SOX5: variants seen among roughly 807,000 people sequenced by gnomAD.
SOX5 encodes SRY-box transcription factor 5, also known as transcription factor SOX-5.
SOX5 carries 9 observed loss-of-function variants against 92.0 expected under a neutral mutation model. The observed-to-expected ratio is 0.10, with a 90% CI of 0.06 to 0.17. The LOEUF (loss-of-function observed/expected upper bound fraction) is 0.17. Among genes scored for constraint, SOX5 ranks in the 10% least tolerant of loss-of-function variants. The pLI is 1.00. For missense variants in SOX5, 642 were observed against 944.5 expected, an observed-to-expected ratio of 0.68 and a Z score of 4.20; for synonymous variants, 344 against 336.3, an observed-to-expected ratio of 1.02 and a Z score of -0.25.
intron 2 of SOX5, among the ~76,000 whole-genome samples, chr12:24,298,968 T>C (rs989626067): frequency 2.6e-5 from 4 of 152,042 alleles, no homozygotes; most frequent in Admixed American, 6.6e-5. Context: ...GGAAAGGGTA[T>C]TGAGCTGTTA....
intron 4 of SOX5, among the ~76,000 whole-genome samples, chr12:23,982,740 TTAA>T (rs1949688716): frequency 6.6e-6 from 1 of 152,032 alleles, no homozygotes; most frequent in African/African-American, 2.4e-5. Context: ...GAAAATAATT[TTAA>T]TAATTTATTT....
At chr12:24,237,587 C>CTT (rs138580187) in intron 3 of SOX5, among the ~76,000 whole-genome samples, 2,858 of 142,974 alleles carry the variant, frequency 0.02, 35 homozygotes, top group Middle Eastern at 0.055. Context: ...AGTCGTAAGA[C>CTT]TTTTTTTTTT....
At chr12:23,700,533 A>C (rs969152784) in intron 6 of SOX5, among the ~76,000 whole-genome samples, 30 of 152,100 alleles carry the variant, frequency 2.0e-4, no homozygotes, top group Non-Finnish European at 3.8e-4. Flanking sequence ...CCACAAGTAA[A>C]GGCCTCACAA....
rs530815382 is a variant in SOX5, at chr12:23,926,392, C to T, written c.38+23172G>A. On this transcript the variant is annotated intron_variant, in intron 1 of 14. Transcript: ENST00000451604. ...AAGCTGTGCTTTTCAGGCAAGAAAT[C>T]ATCTACATGGGGAAAGCGAGTATTA... Among the ~76,000 whole-genome samples the T allele has an allele frequency of 1.6e-3, 248 of 152,112 alleles. 2 individuals carry two copies. The highest frequency in any genetic ancestry group is 5.5e-3 in the African/African-American group (229 of 41,558).
At chr12:24,508,165 G>A (rs1948978786) in intron 1 of SOX5, among the ~76,000 whole-genome samples, 1 of 152,130 alleles carries the variant, frequency 6.6e-6, no homozygotes, top group Non-Finnish European at 1.5e-5. Flanking sequence ...AGACTGATGG[G>A]GTTAGATTTA....
intron 3 of SOX5, among the ~76,000 whole-genome samples, chr12:24,262,656 A>C (rs1170615706): frequency 6.6e-6 from 1 of 152,156 alleles, no homozygotes; most frequent in Non-Finnish European, 1.5e-5. Flanking sequence ...TAACCTTTGC[A>C]TTCTTCCTTT....
At chr12:24,186,405 T>A (rs1293643967) in intron 4 of SOX5, among the ~76,000 whole-genome samples, 4 of 152,178 alleles carry the variant, frequency 2.6e-5, no homozygotes, top group East Asian at 1.9e-4. Flanking sequence ...TGTTTTTGTA[T>A]CTGCTGTTTA....
At chr12:23,968,345 G>C (rs1947827118) in intron 4 of SOX5, among the ~76,000 whole-genome samples, 1 of 152,096 alleles carries the variant, frequency 6.6e-6, no homozygotes, top group Non-Finnish European at 1.5e-5. Context: ...ACTTGACCTT[G>C]GCTAAGCCCT....
intron 4 of SOX5, among the ~76,000 whole-genome samples, chr12:24,085,773 C>G (rs1443879323): frequency 6.6e-6 from 1 of 151,664 alleles, no homozygotes; most frequent in Non-Finnish European, 1.5e-5. Context: ...GAAAAAAAAT[C>G]TTGTCATTGA....
At chr12:23,633,335 G>T (rs748149408) in intron 8 of SOX5, among the ~76,000 whole-genome samples, 1 of 152,060 alleles carries the variant, frequency 6.6e-6, no homozygotes, top group Non-Finnish European at 1.5e-5. Flanking sequence ...AGAAATAAAT[G>T]CTAGATGGAT....
chr12:24,338,177 C>T (rs1181126532), intron 2 of SOX5, among the ~76,000 whole-genome samples: 1 of 151,846 alleles, frequency 6.6e-6, no homozygotes, highest in East Asian at 1.9e-4. Flanking sequence ...ATTAATAAGG[C>T]CTGCATTTAT....
intron 11 of SOX5, among the ~76,000 whole-genome samples, chr12:23,554,471 A>G (rs1251490889): frequency 1.3e-5 from 2 of 152,162 alleles, no homozygotes; most frequent in Admixed American, 1.3e-4. Flanking sequence ...GTTAGAAAAG[A>G]GACTGGGCTT....
At chr12:24,372,739 C>A (rs1956864091) in intron 1 of SOX5, among the ~76,000 whole-genome samples, 1 of 152,270 alleles carries the variant, frequency 6.6e-6, no homozygotes, top group East Asian at 1.9e-4. Flanking sequence ...AATTTACACT[C>A]CCACCAACAA....
At chr12:24,437,701 C>T (rs1247513370) in intron 1 of SOX5, among the ~76,000 whole-genome samples, 1 of 152,192 alleles carries the variant, frequency 6.6e-6, no homozygotes, top group African/African-American at 2.4e-5. Context: ...CATCACTGGT[C>T]ATTAGAGAAA....
chr12:24,275,732 A>G (rs1595063638), intron 3 of SOX5, among the ~76,000 whole-genome samples: 1 of 152,306 alleles, frequency 6.6e-6, no homozygotes, highest in Non-Finnish European at 1.5e-5. Context: ...AACTAATAGC[A>G]TGGGAATGTT....
At chr12:24,020,759 G>T (rs995184728) in intron 4 of SOX5, among the ~76,000 whole-genome samples, 2 of 152,096 alleles carry the variant, frequency 1.3e-5, no homozygotes, top group Non-Finnish European at 2.9e-5. Context: ...CAACTCCCTC[G>T]GAAGGAAGAC....
chr12:24,331,571 C>T lies in SOX5; in HGVS notation c.-174+36992G>A, dbSNP rs1012058399. Among the ~76,000 whole-genome samples, 8 of 151,802 alleles carry T rather than the reference C, an allele frequency of 5.3e-5. No homozygotes were observed. The East Asian group carries it at 7.7e-4, about 15-fold the overall frequency. ...AACCCAAGAAATTTAAAATACAGGC[C>T]GGGCGTGGTGGCTCACACCTGTAAT... On this transcript the variant is annotated intron_variant, in intron 2 of 4. Coordinates refer to the SOX5 transcript ENST00000446891.
At chr12:23,753,637 C>T (rs955784677) in intron 4 of SOX5, among the ~76,000 whole-genome samples, 2 of 151,802 alleles carry the variant, frequency 1.3e-5, no homozygotes, top group African/African-American at 4.8e-5. Context: ...ATAAGACTTA[C>T]ATCTTTATTT....
At chr12:24,558,300 C>T (rs929992548) in intron 1 of SOX5, among the ~76,000 whole-genome samples, 2 of 152,112 alleles carry the variant, frequency 1.3e-5, no homozygotes, top group African/African-American at 2.4e-5. Flanking sequence ...TCAGGGTCCT[C>T]GCTGGTAAAG....
Sources: allele counts gnomAD v4.1 joint callset (sites outside exome capture counted in the v4.1 genomes callset), GRCh38; gene constraint gnomAD v4.1.1; transcripts MANE v1.5; gene names NCBI Gene and HGNC (gene_info 2026-07-23, HGNC 2026-07-21).